CHDH: variants seen among roughly 807,000 people sequenced by gnomAD.
The protein encoded by CHDH is choline dehydrogenase.
Under a neutral mutation model 56.9 loss-of-function variants are expected in CHDH, and 43 were observed. The ratio of observed to expected loss-of-function variants is 0.76; its 90% CI spans 0.59 to 0.97. CHDH has a LOEUF of 0.97. Ranked by LOEUF, CHDH falls within the 50% of genes least tolerant of loss-of-function variation. The pLI is 0.00. For synonymous variants in CHDH, 364 were observed against 348.5 expected, an observed-to-expected ratio of 1.04 and a Z score of -0.50; for missense variants, 816 against 821.1, an observed-to-expected ratio of 0.99 and a Z score of 0.08.
chr3:53,844,275 C>T (rs9848701), intron 1 of CHDH, among the ~76,000 whole-genome samples: 8,228 of 152,234 alleles, frequency 0.054, 752 homozygotes, highest in African/African-American at 0.19. Context: ...CACCTCCAGA[C>T]CACCCTCACC....
intron 2 of CHDH, among the ~76,000 whole-genome samples, chr3:53,824,882 G>C (rs2095636146): frequency 6.6e-6 from 1 of 152,190 alleles, no homozygotes; most frequent in Non-Finnish European, 1.5e-5. Flanking sequence ...GCCTGCCCAA[G>C]ACAGGCTGAA....
chr3:53,820,406 G>A (rs2095623926), intron 6 of CHDH, 68 bp downstream of exon 6: 1 of 1,531,160 alleles, frequency 6.5e-7, no homozygotes, highest in East Asian at 2.3e-5. Flanking sequence ...CCCCTGTTCA[G>A]CTCCTCAGGA....
intron 2 of CHDH, among the ~76,000 whole-genome samples, chr3:53,838,615 G>A (rs1413152300): frequency 6.6e-6 from 1 of 152,168 alleles, no homozygotes; most frequent in African/African-American, 2.4e-5. Flanking sequence ...GGGAGATGAA[G>A]GCTCTCCTCA....
chr3:53,826,204 A>C (rs2095638775), intron 2 of CHDH, among the ~76,000 whole-genome samples: 1 of 152,130 alleles, frequency 6.6e-6, no homozygotes, highest in Non-Finnish European at 1.5e-5. Context: ...GGAAGAAATT[A>C]TACCAGTACT....
At position 53,823,603 on chromosome 3, in the gene CHDH, C is replaced by A; in HGVS notation, c.406G>T (p.Ala136Ser). The change falls in exon 3 of 9, where the codon GCC becomes TCC. Residue 136 changes from alanine to serine, a missense_variant. Physicochemically the swap from Ala to Ser is moderately conservative, Grantham distance 99. Transcript: ENST00000315251. ...GCGTGCCCACGGACGTAGACCATGG[C>A]ATTGAGGGATGAGGAGCCACCCCAG... ...RVWGGSSSLN[A>S]MVYVRGHAED... 1 of 1,543,944 alleles carries A rather than the reference C, an allele frequency of 6.5e-7. No homozygotes were observed. The highest frequency in any genetic ancestry group is 1.2e-5 in the South Asian group (1 of 83,980).
At chr3:53,843,180 C>T (rs563675101) in intron 1 of CHDH, among the ~76,000 whole-genome samples, 1 of 89,582 alleles carries the variant, frequency 1.1e-5, no homozygotes, top group African/African-American at 3.7e-5. Context: ...GGGAATTTCC[C>T]CCCCCACCTT....
At position 53,816,132 on chromosome 3, in the gene CHDH, C is replaced by CA. The variant is rs1559744007; in HGVS notation, c.*1644_*1645insT. On this transcript the variant is annotated 3_prime_UTR_variant, in exon 9 of 9. Coordinates refer to ENST00000315251, the MANE Select transcript of CHDH (RefSeq NM_018397.5). ...AGAAAACTAACTTGTGGCTGTCGGA[C>CA]GCCCCCCCCCCCCGCCCCAGTCTGT... 14 of 28,852 alleles carry CA rather than the reference C, an allele frequency of 4.9e-4. No individual in the cohort carries two copies. Among genetic ancestry groups the CA allele is most frequent in the Non-Finnish European group, 8.9e-4 (12 of 13,498 alleles). 1.8% of individuals were successfully genotyped at this position (28,852 alleles called of 1,614,324 possible).
Position 53,819,537 on chromosome 3 carries a change from A to G in CHDH, c.1258T>C (p.Tyr420His). Residue 420 changes from tyrosine to histidine, a missense_variant, in exon 7 of 9, where the codon TAC becomes CAC. Tyr to His is a moderately conservative substitution (Grantham distance 83). Coordinates refer to ENST00000315251, the MANE Select transcript of CHDH (RefSeq NM_018397.5). This position sits in a 1 kb window ranked among gnomAD's most constrained non-coding sequence, Gnocchi z 5.4. ...HGRVPTQQEA[Y>H]QVHVGPMRGT... ...AGGCTCTTCCACCTGCTCACCTGGTAAGCCTCCTGCTGGGTGGGGACCCGC... is the reference window on the plus strand; with the variant it reads ...AGGCTCTTCCACCTGCTCACCTGGTGAGCCTCCTGCTGGGTGGGGACCCGC... The G allele has an allele frequency of 1.9e-6, 3 of 1,608,168 alleles. No individual in the cohort carries two copies. The highest frequency in any genetic ancestry group is 2.5e-6 in the Non-Finnish European group (3 of 1,177,114).
intron 5 of CHDH, among the ~76,000 whole-genome samples, chr3:53,821,429 A>G (rs1366053087): frequency 1.3e-5 from 2 of 152,202 alleles, no homozygotes; most frequent in South Asian, 4.1e-4. Context: ...GAAATAGGGC[A>G]GCCGGAGGAG....
Position 53,817,941 on chromosome 3 carries a change from T to C in CHDH, c.1621A>G (p.Arg541Gly), listed in dbSNP as rs2106954914. ...QTRVLGVENL[R>G]VVDASIMPSM... ...GGCATGATGGAGGCATCGACGACCC[T>C]GAGGTTTTCCACCCCGAGGACCCTT... The change falls in exon 9 of 9, where the codon AGG (arginine) becomes GGG (glycine). Residue 541 changes from arginine to glycine, a missense_variant. Physicochemically the swap from Arg to Gly is moderately radical, Grantham distance 125. Transcript: ENST00000315251. 6.2e-7 allele frequency: 1 copy of C among 1,614,184 alleles called. No homozygotes were observed. Among genetic ancestry groups the C allele is most frequent in the Non-Finnish European group, 8.5e-7 (1 of 1,180,030 alleles).
intron 2 of CHDH, among the ~76,000 whole-genome samples, chr3:53,830,187 G>A (rs1407884634): frequency 6.7e-6 from 1 of 150,352 alleles, no homozygotes; most frequent in Non-Finnish European, 1.5e-5. Context: ...AATCCCAGCA[G>A]GCATTTTTTT....
In CHDH at chr3:53,822,847, A is replaced by G. The variant is rs532616524; in HGVS notation, c.704-205T>C. On this transcript the variant is annotated intron_variant, in intron 3 of 8. Coordinates refer to ENST00000315251, the MANE Select transcript of CHDH (RefSeq NM_018397.5). ...CTGGGGTCCCCTGGAGGCAGGTGGA[A>G]AAGTACCCTTCACCCTCAAACAGGA... is the stretch of plus-strand genomic sequence containing the variant. 2.0e-5 allele frequency among the ~76,000 whole-genome samples: 3 copies of G among 152,312 alleles called. No homozygotes were observed. The East Asian group carries it at 5.8e-4, about 29-fold the overall frequency.
rs1237272293 is a variant in CHDH, at chr3:53,812,550, A to ACTGT, written c.*5223_*5226dup. 1 of 149,186 alleles carries ACTGT rather than the reference A, an allele frequency of 6.7e-6. No homozygotes were observed. Among genetic ancestry groups the ACTGT allele is most frequent in the African/African-American group, 2.5e-5 (1 of 39,382 alleles). 9.2% of individuals were successfully genotyped at this position (149,186 alleles called of 1,614,324 possible). On this transcript the variant is annotated 3_prime_UTR_variant, in exon 9 of 9. Transcript: ENST00000315251. The stretch of plus-strand genomic sequence containing the variant: ...ACCTTTGGATCCACCATGGGTTGCA[A>ACTGT]CTGTCTTTGGTTTTGTTTGTTTGAC...
At position 53,812,561 on chromosome 3, in the gene CHDH, T is replaced by C. The variant is rs898217795; in HGVS notation, c.*5216A>G. 1.7e-4 allele frequency: 25 copies of C among 149,476 alleles called. No individual in the cohort carries two copies. The highest frequency in any genetic ancestry group is 6.1e-4 in the African/African-American group (25 of 40,936). 9.3% of individuals were successfully genotyped at this position (149,476 alleles called of 1,614,324 possible). ...CACCATGGGTTGCAACTGTCTTTGGTTTTGTTTGTTTGACTTGAACCACCC... is the reference window on the plus strand; with the variant it reads ...CACCATGGGTTGCAACTGTCTTTGGCTTTGTTTGTTTGACTTGAACCACCC... On this transcript the variant is annotated 3_prime_UTR_variant, in exon 9 of 9. Transcript: ENST00000315251.
At chr3:53,824,133 C>T (rs1287773488) in intron 2 of CHDH, 66 bp from the exon 3 acceptor site, 12 of 975,178 alleles carry the variant, frequency 1.2e-5, no homozygotes, top group African/African-American at 1.7e-5. Context: ...CACCAACGGC[C>T]TGCCGGGACA....
chr3:53,845,650 G>T (rs944256886), intron 1 of CHDH, among the ~76,000 whole-genome samples: 1 of 152,166 alleles, frequency 6.6e-6, no homozygotes, highest in African/African-American at 2.4e-5. Flanking sequence ...GTTAAATGCA[G>T]ATCCCGGGCC....
chr3:53,833,762 C>T (rs1264096044), intron 2 of CHDH, among the ~76,000 whole-genome samples: 1 of 152,088 alleles, frequency 6.6e-6, no homozygotes, highest in Admixed American at 6.5e-5. Flanking sequence ...GTGCCTGGAC[C>T]AGAAGAGGAA....
rs2095623118 is a variant in CHDH at position 53,819,991 on chromosome 3, G to A, written c.1121-317C>T. On this transcript the variant is annotated intron_variant, in intron 6 of 8. Coordinates refer to ENST00000315251, the MANE Select transcript of CHDH (RefSeq NM_018397.5). The surrounding 1 kb of genome is among the most constrained non-coding windows in gnomAD (Gnocchi z 5.4). ...CTAGCACAGCACACAGCACATACTA[G>A]GTGTGTGAGAAATACAGACTGAGTG... Among the ~76,000 whole-genome samples the A allele has an allele frequency of 6.6e-6, 1 of 152,236 alleles. No individual in the cohort carries two copies. The highest frequency in any genetic ancestry group is 2.4e-5 in the African/African-American group (1 of 41,460).
chr3:53,822,245 G>A (rs2095628364), intron 4 of CHDH, among the ~76,000 whole-genome samples: 1 of 152,018 alleles, frequency 6.6e-6, no homozygotes. Context: ...AGGTACTGGG[G>A]GAGAGCTCTG....
Sources: gnomAD v4.1 joint callset for allele counts (sites outside exome capture counted in the v4.1 genomes callset) on GRCh38, gnomAD v4.1.1 for gene constraint, Gnocchi (gnomAD v3.1) non-coding constraint, MANE v1.5 for transcripts, NCBI Gene and HGNC (gene_info 2026-07-23, HGNC 2026-07-21) for gene names.